The following CDH18 variants were observed in gnomAD, a reference collection of about 807,000 sequenced individuals.
CDH18 encodes the protein cadherin-18.
In CDH18, 31 loss-of-function variants were observed where a neutral mutation model predicts 67.9. That is an observed-to-expected ratio of 0.46 (90% CI 0.34 to 0.62). CDH18 has a LOEUF of 0.62. CDH18 is among the 20% of genes least tolerant of loss of function. The pLI, the probability that CDH18 is intolerant of heterozygous loss-of-function variation, is 0.01. For synonymous variants in CDH18, 362 were observed against 347.2 expected, an observed-to-expected ratio of 1.04 and a Z score of -0.48; for missense variants, 890 against 975.5, an observed-to-expected ratio of 0.91 and a Z score of 1.17.
At chr5:19,513,551 A>G (rs1745451668) in intron 10 of CDH18, among the ~76,000 whole-genome samples, 1 of 152,034 alleles carries the variant, frequency 6.6e-6, no homozygotes, top group African/African-American at 2.4e-5. Flanking sequence ...CTTTTGGTTC[A>G]TTTCCATGTC....
intron 5 of CDH18, among the ~76,000 whole-genome samples, chr5:19,708,214 C>A (rs1764208219): frequency 6.6e-6 from 1 of 152,148 alleles, no homozygotes; most frequent in Admixed American, 6.5e-5. Context: ...TAAAGCATCC[C>A]AGGCACACCT....
At chr5:20,564,640 A>G (rs2126655472) in intron 1 of CDH18, among the ~76,000 whole-genome samples, 1 of 152,198 alleles carries the variant, frequency 6.6e-6, no homozygotes, top group East Asian at 1.9e-4. Flanking sequence ...TTTCTTCTTT[A>G]TTGTCTGTTC....
intron 1 of CDH18, among the ~76,000 whole-genome samples, chr5:20,333,275 G>A (rs950692906): frequency 5.3e-5 from 8 of 151,930 alleles, no homozygotes; most frequent in South Asian, 2.1e-4. Flanking sequence ...TTGGGAGGCC[G>A]AGGCTGGCAG....
At chr5:19,747,969 C>T (rs915209215) in intron 3 of CDH18, among the ~76,000 whole-genome samples, 7 of 150,454 alleles carry the variant, frequency 4.7e-5, no homozygotes, top group South Asian at 4.2e-4. Flanking sequence ...AAAAACTAGC[C>T]GGGCGTGGTG....
intron 2 of CDH18, among the ~76,000 whole-genome samples, chr5:20,229,412 G>T (rs1741891749): frequency 6.6e-6 from 1 of 152,034 alleles, no homozygotes; most frequent in South Asian, 2.1e-4. Context: ...TACTGATTAT[G>T]ATTAGCACAT....
intron 7 of CDH18, among the ~76,000 whole-genome samples, chr5:19,589,534 A>C (rs1258245998): frequency 6.6e-6 from 1 of 152,088 alleles, no homozygotes; most frequent in Non-Finnish European, 1.5e-5. Context: ...TCTAATATTT[A>C]TTGAATGCCA....
intron 5 of CDH18, among the ~76,000 whole-genome samples, chr5:19,699,278 A>G (rs1363626487): frequency 6.6e-6 from 1 of 152,154 alleles, no homozygotes; most frequent in Non-Finnish European, 1.5e-5. Context: ...GTTCCCAAAT[A>G]ACCTGCAATT....
At chr5:19,543,660 C>T (rs962078285) in intron 9 of CDH18, among the ~76,000 whole-genome samples, 3 of 152,112 alleles carry the variant, frequency 2.0e-5, no homozygotes, top group Non-Finnish European at 4.4e-5. Context: ...TGCCACTTTT[C>T]CATCACCATG....
At chr5:19,544,203 T>C (rs1735914517) in intron 8 of CDH18, among the ~76,000 whole-genome samples, 198 bp from the exon 9 acceptor site, 1 of 152,152 alleles carries the variant, frequency 6.6e-6, no homozygotes, top group Non-Finnish European at 1.5e-5. Flanking sequence ...CTAAGTTCAA[T>C]TACTAATTCA....
intron 1 of CDH18, chr5:20,575,350 ATTTAC>A (rs1052422262): frequency 6.6e-6 from 1 of 152,136 alleles, no homozygotes; most frequent in Non-Finnish European, 1.5e-5. Context: ...TGTGTATAGA[ATTTAC>A]TTTAATGCAT....
chr5:19,770,723 T>G (rs1245732613), intron 3 of CDH18, among the ~76,000 whole-genome samples: 1 of 152,210 alleles, frequency 6.6e-6, no homozygotes, highest in African/African-American at 2.4e-5. Flanking sequence ...ATCAAGGAAC[T>G]TCTAATATTT....
At chr5:19,688,823 C>T (rs1352192978) in intron 5 of CDH18, among the ~76,000 whole-genome samples, 3 of 151,822 alleles carry the variant, frequency 2.0e-5, no homozygotes, top group African/African-American at 7.3e-5. Flanking sequence ...GTGAGAAATT[C>T]AACAAAGTGA....
chr5:20,031,826 G>T (rs1739425113), intron 2 of CDH18, among the ~76,000 whole-genome samples: 1 of 152,008 alleles, frequency 6.6e-6, no homozygotes, highest in Non-Finnish European at 1.5e-5. Flanking sequence ...ATGAGTGGTG[G>T]AAGTATATTA....
intron 2 of CDH18, among the ~76,000 whole-genome samples, chr5:19,911,280 C>G (rs181535787): frequency 6.6e-6 from 1 of 151,992 alleles, no homozygotes; most frequent in South Asian, 2.1e-4. Context: ...CTCTTCCTTC[C>G]CTCTGTTTAG....
At chr5:20,163,429 T>A (rs563910160) in intron 2 of CDH18, among the ~76,000 whole-genome samples, 1 of 152,334 alleles carries the variant, frequency 6.6e-6, no homozygotes, top group South Asian at 2.1e-4. Context: ...AATCTAAATC[T>A]GCTTCCCTCT....
At chr5:19,798,735 A>G (rs1235076700) in intron 3 of CDH18, among the ~76,000 whole-genome samples, 1 of 152,206 alleles carries the variant, frequency 6.6e-6, no homozygotes, top group Non-Finnish European at 1.5e-5. Flanking sequence ...TTTAAAGCTT[A>G]GTGTTTTTAT....
chr5:20,465,317 A>G (rs746354656), intron 1 of CDH18, among the ~76,000 whole-genome samples: 9 of 152,086 alleles, frequency 5.9e-5, no homozygotes, highest in Non-Finnish European at 1.2e-4. Flanking sequence ...GCTGCTAATA[A>G]TAATAACAGC....
At chr5:20,044,805 T>G (rs1740768468) in intron 2 of CDH18, among the ~76,000 whole-genome samples, 1 of 152,198 alleles carries the variant, frequency 6.6e-6, no homozygotes, top group South Asian at 2.1e-4. Context: ...TTCACTTTCC[T>G]CTTTACCTTG....
chr5:20,196,674 G>T (rs1380568499), intron 2 of CDH18, among the ~76,000 whole-genome samples: 1 of 152,124 alleles, frequency 6.6e-6, no homozygotes, highest in Non-Finnish European at 1.5e-5. Flanking sequence ...TTGAACGGAT[G>T]CCAATATTTC....
Sources: allele counts gnomAD v4.1 joint callset (sites outside exome capture counted in the v4.1 genomes callset), GRCh38; gene constraint gnomAD v4.1.1; transcripts MANE v1.5; gene names NCBI Gene and HGNC (gene_info 2026-07-23, HGNC 2026-07-21).